Variants in LMCD1 observed in about 807,000 individuals in gnomAD.
The protein encoded by LMCD1 is LIM and cysteine-rich domains protein 1.
A neutral mutation model predicts 42.7 loss-of-function variants in LMCD1; 32 were observed. That is an observed-to-expected ratio of 0.75 (90% confidence interval 0.57 to 1.01). The LOEUF (loss-of-function observed/expected upper bound fraction) is 1.01. Ranked by LOEUF, LMCD1 falls within the 50% of genes least tolerant of loss-of-function variation. The pLI is 0.00. For missense variants in LMCD1, 458 were observed against 483.1 expected (o/e 0.95, Z 0.49); for synonymous variants, 178 against 184.9 (o/e 0.96, Z 0.30).
At chr3:8,526,827 C>T (rs907291718) in intron 1 of LMCD1, among the ~76,000 whole-genome samples, 2 of 152,148 alleles carry the variant, frequency 1.3e-5, no homozygotes, top group Non-Finnish European at 2.9e-5. Flanking sequence ...GTTACAGCTA[C>T]TATTGTTACT....
At chr3:8,543,046 T>G (rs547844468) in intron 3 of LMCD1, among the ~76,000 whole-genome samples, 1 of 152,200 alleles carries the variant, frequency 6.6e-6, no homozygotes, top group African/African-American at 2.4e-5. Context: ...TTGGTGTTAG[T>G]AAGATGCTAG....
rs1047514824 is a variant in LMCD1 at position 8,569,536 on chromosome 3, T to G, written c.*1938T>G. On this transcript the variant is annotated 3_prime_UTR_variant, in exon 6 of 6. Coordinates refer to ENST00000157600, the MANE Select transcript of LMCD1 (RefSeq NM_014583.4). ...CTACGCCCATAGATGTTACGGTCTG[T>G]GGGGGAGATGGGCCTCAAGCAAATA... 2.6e-5 allele frequency: 4 copies of G among 152,152 alleles called. No individual in the cohort carries two copies. Among genetic ancestry groups the G allele is most frequent in the Admixed American group, 2.0e-4 (3 of 15,276 alleles). The allele number at this position is 152,152 out of a possible 1,614,324, so 9.4% of individuals were successfully genotyped here. A position where few individuals can be genotyped will look rare whatever the true frequency, so the allele number is the denominator to read the frequency against.
In LMCD1 at chr3:8,508,191, C is replaced by G. The variant is rs1353312562; in HGVS notation, c.42+6211C>G. Among the ~76,000 whole-genome samples, 3 of 152,040 alleles carry G rather than the reference C, an allele frequency of 2.0e-5. No individual in the cohort carries two copies. In the South Asian group the frequency reaches 6.3e-4, roughly 32 times the overall value. Reference sequence around the variant, plus strand: ...ATACTCTAAAAATAATTCTAGAGACCTTGTCCCAGAGCTTTCAGGAAACTC... The same window carrying G: ...ATACTCTAAAAATAATTCTAGAGACGTTGTCCCAGAGCTTTCAGGAAACTC... On this transcript the variant is annotated intron_variant, in intron 1 of 5. Coordinates refer to ENST00000157600, the MANE Select transcript of LMCD1 (RefSeq NM_014583.4).
At chr3:8,538,551 C>G (rs11707002) in intron 3 of LMCD1, among the ~76,000 whole-genome samples, 53,388 of 152,000 alleles carry the variant, frequency 0.35, 10,170 homozygotes, top group Non-Finnish European at 0.44. Context: ...CCTTAAGACA[C>G]TCTGACTTCC....
In LMCD1 at chr3:8,571,244, C is replaced by G. The variant is rs769855910; in HGVS notation, c.*3646C>G. On this transcript the variant is annotated 3_prime_UTR_variant, in exon 6 of 6. Transcript: ENST00000157600. ...AATTATTTATTCATGAAAGCCTTCC[C>G]CTATGAACTTCTAAAGAATAATCGT... 2 of 152,130 alleles carry G rather than the reference C, an allele frequency of 1.3e-5. No homozygotes were observed. The highest frequency in any genetic ancestry group is 2.9e-5 in the Non-Finnish European group (2 of 68,024). 9.4% of individuals were successfully genotyped at this position (152,130 alleles called of 1,614,324 possible).
intron 1 of LMCD1, among the ~76,000 whole-genome samples, chr3:8,504,496 C>T (rs1188634645): frequency 2.0e-5 from 3 of 152,168 alleles, no homozygotes; most frequent in Admixed American, 6.5e-5. Context: ...GGGGCTGGGG[C>T]GGGAATCCCC....
At chr3:8,549,877 C>A in intron 4 of LMCD1, 1 of 738,758 alleles carries the variant, frequency 1.4e-6, no homozygotes, top group Admixed American at 2.0e-5. Flanking sequence ...TTCTTAGAAG[C>A]CAGTCCCACT....
At position 8,514,567 on chromosome 3, in the gene LMCD1, T is replaced by G. The variant is rs536336535; in HGVS notation, c.42+12587T>G. Among the ~76,000 whole-genome samples the G allele has an allele frequency of 9.2e-5, 14 of 152,326 alleles. No homozygotes were observed. In the South Asian group the frequency reaches 2.7e-3, roughly 29 times the overall value. The stretch of plus-strand genomic sequence containing the variant: ...ACAAAAAAATTTTGGGCAAAAATAT[T>G]TGGAGCCATGTTATTCATTATAGCC... On this transcript the variant is annotated intron_variant, in intron 1 of 5. Transcript: ENST00000157600.
chr3:8,503,033 T>C (rs1693797121), intron 1 of LMCD1, among the ~76,000 whole-genome samples: 1 of 152,196 alleles, frequency 6.6e-6, no homozygotes, highest in Non-Finnish European at 1.5e-5. Flanking sequence ...AGTTTCCTTG[T>C]CTCTGATGTG....
intron 1 of LMCD1, among the ~76,000 whole-genome samples, chr3:8,522,342 C>T (rs538021106): frequency 5.3e-5 from 8 of 152,170 alleles, no homozygotes; most frequent in Non-Finnish European, 1.2e-4. Flanking sequence ...GAGACTGCAG[C>T]GGGGAGGAGA....
chr3:8,505,822 C>T (rs896367017), intron 1 of LMCD1, among the ~76,000 whole-genome samples: 2 of 152,226 alleles, frequency 1.3e-5, no homozygotes, highest in Admixed American at 6.5e-5. Flanking sequence ...CTTTCACCTC[C>T]ACTTCCTGCA....
At chr3:8,516,617 C>T (rs1694106608) in intron 1 of LMCD1, among the ~76,000 whole-genome samples, 1 of 152,100 alleles carries the variant, frequency 6.6e-6, no homozygotes, top group African/African-American at 2.4e-5. Context: ...AATATCAGCA[C>T]CTCTCAGTGC....
intron 3 of LMCD1, among the ~76,000 whole-genome samples, chr3:8,543,452 CAGAG>C (rs1206612066): frequency 2.7e-5 from 4 of 149,386 alleles, no homozygotes; most frequent in Admixed American, 6.7e-5. Flanking sequence ...GACAGACAGA[CAGAG>C]AGATAGACAG....
At chr3:8,543,551 C>T (rs7610571) in intron 3 of LMCD1, among the ~76,000 whole-genome samples, 73,498 of 151,986 alleles carry the variant, frequency 0.48, 18,464 homozygotes, top group Non-Finnish European at 0.53. Flanking sequence ...GGTGTGATCA[C>T]AGCTCACTAT....
At chr3:8,520,420 T>A (rs1694181910) in intron 1 of LMCD1, among the ~76,000 whole-genome samples, 1 of 152,174 alleles carries the variant, frequency 6.6e-6, no homozygotes, top group African/African-American at 2.4e-5. Flanking sequence ...CCAATTAGAT[T>A]TTAATTTCCA....
In LMCD1 at chr3:8,572,792, A is replaced by C. The variant is rs896825903; in HGVS notation, c.*5194A>C. On this transcript the variant is annotated 3_prime_UTR_variant, in exon 6 of 6. Transcript: ENST00000157600. Reference sequence around the variant, plus strand: ...TGACATGGCCCATCATTCTTTAAACACATTTTACATCTGGCACAATAACGT... The same window carrying C: ...TGACATGGCCCATCATTCTTTAAACCCATTTTACATCTGGCACAATAACGT... 2.0e-5 allele frequency: 3 copies of C among 152,196 alleles called. No homozygotes were observed. Among genetic ancestry groups the C allele is most frequent in the African/African-American group, 7.2e-5 (3 of 41,440 alleles). The allele number at this position is 152,196 out of a possible 1,614,324, so 9.4% of individuals were successfully genotyped here. A position where few individuals can be genotyped will look rare whatever the true frequency, so the allele number is the denominator to read the frequency against.
At chr3:8,556,993 A>G (rs561538943) in intron 4 of LMCD1, among the ~76,000 whole-genome samples, 125 of 152,328 alleles carry the variant, frequency 8.2e-4, no homozygotes, top group Middle Eastern at 3.4e-3. Flanking sequence ...CGTATGAGCC[A>G]GGGCCTGCCA....
chr3:8,521,387 C>G (rs1180904954), intron 1 of LMCD1, among the ~76,000 whole-genome samples: 2 of 152,214 alleles, frequency 1.3e-5, no homozygotes, highest in African/African-American at 4.8e-5. Context: ...TTCCATACTC[C>G]TCTTTTTCAA....
In LMCD1 at chr3:8,573,664, C is replaced by G. The variant is rs1437688981; in HGVS notation, c.*6066C>G. 6.6e-6 allele frequency: 1 copy of G among 152,182 alleles called. No individual in the cohort carries two copies. Among genetic ancestry groups the G allele is most frequent in the African/African-American group, 2.4e-5 (1 of 41,452 alleles). 9.4% of individuals were successfully genotyped at this position (152,182 alleles called of 1,614,324 possible). A position where few individuals can be genotyped will look rare whatever the true frequency, so the allele number is the denominator to read the frequency against. On this transcript the variant is annotated 3_prime_UTR_variant, in exon 6 of 6. Transcript: ENST00000157600. ...GATATTTGCCTTAGGTCAGATTCTA[C>G]TAGTTTAAAGCAAAACGATCTCCTG... is the stretch of plus-strand genomic sequence containing the variant.
Sources: allele counts gnomAD v4.1 joint callset (sites outside exome capture counted in the v4.1 genomes callset), GRCh38; gene constraint gnomAD v4.1.1; transcripts MANE v1.5; gene names NCBI Gene and HGNC (gene_info 2026-07-23, HGNC 2026-07-21).